FREM2: variants seen among roughly 807,000 people sequenced by gnomAD.
FREM2 encodes FRAS1-related extracellular matrix protein 2.
FREM2 carries 119 observed loss-of-function variants against 219.9 expected under a neutral mutation model. The ratio of observed to expected loss-of-function variants is 0.54; its 90% CI spans 0.47 to 0.63. The LOEUF is 0.63. Among genes scored for constraint, FREM2 ranks in the 30% least tolerant of loss-of-function variants. The pLI is 0.00. For missense variants in FREM2, 4,030 were observed against 3,993.6 expected (o/e 1.01, Z -0.25); for synonymous variants, 1,562 against 1,522.8 (o/e 1.03, Z -0.60).
intron 2 of FREM2, among the ~76,000 whole-genome samples, chr13:38,756,515 G>A (rs1873005070): frequency 6.8e-6 from 1 of 147,508 alleles, no homozygotes; most frequent in Non-Finnish European, 1.5e-5. Flanking sequence ...CAGCACTATG[G>A]TTGGGGACCT....
In FREM2 at chr13:38,833,875, T is replaced by C. The variant is rs530062983; in HGVS notation, c.6020-12698T>C. Among the ~76,000 whole-genome samples, 6 of 152,276 alleles carry C rather than the reference T, an allele frequency of 3.9e-5. No homozygotes were observed. The East Asian group carries it at 1.2e-3, about 29-fold the overall frequency. ...ACCAGTAGGACCACACTCCTTTGGCTTCACCTACCACTATGATGTTCTGCT... is the reference window on the plus strand; with the variant it reads ...ACCAGTAGGACCACACTCCTTTGGCCTCACCTACCACTATGATGTTCTGCT... On this transcript the variant is annotated intron_variant, in intron 6 of 23. Transcript: ENST00000280481.
chr13:38,795,129 ATC>A (rs1874718349), intron 6 of FREM2, among the ~76,000 whole-genome samples: 1 of 152,086 alleles, frequency 6.6e-6, no homozygotes, highest in Non-Finnish European at 1.5e-5. Flanking sequence ...TTACCTAATG[ATC>A]TCACTGAAGG....
At position 38,859,363 on chromosome 13, in the gene FREM2, C is replaced by T. The variant is rs1176294556; in HGVS notation, c.7292C>T (p.Thr2431Met). The T allele has an allele frequency of 3.1e-6, 5 of 1,614,040 alleles. No individual in the cohort carries two copies. Among genetic ancestry groups the T allele is most frequent in the Admixed American group, 1.7e-5 (1 of 59,998 alleles). ...AGTGAGAACATCAATGACACTTTGACGCGGTACCGGTGGCTGATTAGTGCA... is the reference window on the plus strand; with the variant it reads ...AGTGAGAACATCAATGACACTTTGATGCGGTACCGGTGGCTGATTAGTGCA... Reference protein sequence around the residue: ...CASENINDTLTRYRWLISAPA... With the variant: ...CASENINDTLMRYRWLISAPA... The change falls in exon 14 of 24, where the codon ACG becomes ATG. Residue 2431 changes from threonine (T) to methionine (M), a missense_variant. By Grantham distance (81) the Thr-to-Met change is moderately conservative (BLOSUM62 -1). Transcript: ENST00000280481.
At chr13:38,850,327 T>C (rs1010462095) in intron 9 of FREM2, 92 bp downstream of exon 9, 24 of 1,022,374 alleles carry the variant, frequency 2.3e-5, no homozygotes, top group Non-Finnish European at 3.6e-5. Flanking sequence ...TTCCTCGATA[T>C]CAACAAGCAT....
intron 6 of FREM2, among the ~76,000 whole-genome samples, chr13:38,801,155 AT>A (rs1272728136): frequency 7.9e-5 from 12 of 152,208 alleles, no homozygotes; most frequent in African/African-American, 2.9e-4. Flanking sequence ...TTTGTATTTC[AT>A]TCAGTGAATT....
At chr13:38,795,927 A>G (rs1307983994) in intron 6 of FREM2, among the ~76,000 whole-genome samples, 1 of 152,140 alleles carries the variant, frequency 6.6e-6, no homozygotes, top group African/African-American at 2.4e-5. Flanking sequence ...ACATGATTTC[A>G]TTCCTTTTGG....
intron 6 of FREM2, among the ~76,000 whole-genome samples, chr13:38,817,892 G>T (rs1447057689): frequency 1.3e-5 from 2 of 151,810 alleles, no homozygotes; most frequent in Admixed American, 1.3e-4. Context: ...TGGGCAAAAG[G>T]CCATTTTTCA....
chr13:38,813,485 TCTCTCTCTCTCTCTC>T, intron 6 of FREM2, among the ~76,000 whole-genome samples: 31 of 13,142 alleles, frequency 2.4e-3, no homozygotes, highest in African/African-American at 7.4e-3. Flanking sequence ...TCTCTCTCTC[TCTCTCTCTCTCTCTC>T]TCTCTCTCTC....
chr13:38,715,559 C>T (rs1190475592), intron 2 of FREM2, among the ~76,000 whole-genome samples: 1 of 151,912 alleles, frequency 6.6e-6, no homozygotes, highest in Non-Finnish European at 1.5e-5. Flanking sequence ...CAATCCTAAT[C>T]AGATTTTTAA....
At chr13:38,852,704 CTT>C (rs369947598) in intron 11 of FREM2, among the ~76,000 whole-genome samples, 18 of 131,340 alleles carry the variant, frequency 1.4e-4, no homozygotes, top group Admixed American at 2.4e-4. Context: ...ATGTCACCAT[CTT>C]TTTTTTTTTT....
Position 38,876,050 on chromosome 13 carries a change from A to G in FREM2, c.8310A>G (p.Ser2770=), listed in dbSNP as rs1437841770. ...PASFTSSVIM[S]ADHPGLTFSL... ...CCTTTACAAGCTCAGTGATCATGTCAGCTGATCATCCAGGCCTGACATTTT... is the reference window on the plus strand; with the variant it reads ...CCTTTACAAGCTCAGTGATCATGTCGGCTGATCATCCAGGCCTGACATTTT... The change falls in exon 19 of 24, where the codon TCA becomes TCG. Residue 2770 remains serine, a synonymous_variant. Transcript: ENST00000280481. The G allele has an allele frequency of 8.7e-6, 14 of 1,614,028 alleles. No homozygotes were observed. The highest frequency in any genetic ancestry group is 1.1e-5 in the Non-Finnish European group (13 of 1,179,882).
At chr13:38,706,405 C>T (rs1870540593) in intron 2 of FREM2, among the ~76,000 whole-genome samples, 1 of 152,038 alleles carries the variant, frequency 6.6e-6, no homozygotes, top group African/African-American at 2.4e-5. Flanking sequence ...CCCATTTAGT[C>T]AATATCATAG....
intron 2 of FREM2, among the ~76,000 whole-genome samples, chr13:38,724,919 T>G (rs897743014): frequency 9.2e-5 from 14 of 152,190 alleles, no homozygotes; most frequent in Non-Finnish European, 2.1e-4. Context: ...GGAAGTTGTA[T>G]GATAAACATA....
rs778802889 is a variant in FREM2 at position 38,859,418 on chromosome 13, T to C, written c.7347T>C (p.Pro2449=). The C allele has an allele frequency of 1.9e-6, 3 of 1,614,144 alleles. No homozygotes were observed. The highest frequency in any genetic ancestry group is 2.5e-6 in the Non-Finnish European group (3 of 1,180,022). ...CGGGCCCTGACGGTGTGACCAGCCC[T>C]ATGAGAGAAGTGGACTTCGACACCT... ...APAGPDGVTS[P]MREVDFDTFF... The change falls in exon 14 of 24, where the codon CCT becomes CCC. Residue 2449 remains proline, a synonymous_variant. Coordinates refer to ENST00000280481, the MANE Select transcript of FREM2 (RefSeq NM_207361.6).
intron 6 of FREM2, among the ~76,000 whole-genome samples, chr13:38,820,898 G>GA (rs1487824625): frequency 6.6e-6 from 1 of 152,104 alleles, no homozygotes; most frequent in African/African-American, 2.4e-5. Flanking sequence ...GTCTACTGTT[G>GA]AAAACATGTA....
At chr13:38,708,687 T>A (rs1870638225) in intron 2 of FREM2, among the ~76,000 whole-genome samples, 1 of 152,070 alleles carries the variant, frequency 6.6e-6, no homozygotes, top group South Asian at 2.1e-4. Context: ...AAAAAAGTCT[T>A]TCCTCCCTTC....
intron 6 of FREM2, among the ~76,000 whole-genome samples, chr13:38,845,244 A>G (rs1351887399): frequency 6.7e-6 from 1 of 148,796 alleles, no homozygotes; most frequent in Non-Finnish European, 1.5e-5. Flanking sequence ...AAGAAATCAT[A>G]CTCAACTTGA....
chr13:38,878,333 G>A lies in FREM2; in HGVS notation c.8859+12G>A. On this transcript the variant is annotated intron_variant, in intron 22 of 23. Transcript: ENST00000280481. ...GATTTAAAATTGTGGTAAGTGCTTT[G>A]ACCCAAAAAATGAGCTAGATAGATT... is the stretch of plus-strand genomic sequence containing the variant. 2.5e-6 allele frequency: 4 copies of A among 1,602,064 alleles called. No homozygotes were observed. Among genetic ancestry groups the A allele is most frequent in the Non-Finnish European group, 3.4e-6 (4 of 1,172,296 alleles).
At chr13:38,765,807 C>T (rs901265377) in intron 3 of FREM2, among the ~76,000 whole-genome samples, 4 of 152,156 alleles carry the variant, frequency 2.6e-5, no homozygotes, top group African/African-American at 7.2e-5. Flanking sequence ...CTGGTCTCCC[C>T]GCGGCCTCAC....
Sources: gnomAD v4.1 joint callset for allele counts (sites outside exome capture counted in the v4.1 genomes callset) on GRCh38, gnomAD v4.1.1 for gene constraint, MANE v1.5 for transcripts, NCBI Gene and HGNC (gene_info 2026-07-23, HGNC 2026-07-21) for gene names.